ZNF804A: variants seen among roughly 807,000 people sequenced by gnomAD.
ZNF804A encodes the protein zinc finger protein 804A.
A neutral mutation model predicts 16.5 loss-of-function variants in ZNF804A; 2 were observed. The ratio of observed to expected loss-of-function variants is 0.12; its 90% CI spans 0.05 to 0.38. The LOEUF (loss-of-function observed/expected upper bound fraction) is 0.38, where lower values mean the gene tolerates loss of function less well. Among genes scored for constraint, ZNF804A ranks in the 10% least tolerant of loss-of-function variants. The pLI, the probability that ZNF804A is intolerant of heterozygous loss-of-function variation, is 0.99. For missense variants in ZNF804A, 1,473 were observed against 1,390.7 expected, an observed-to-expected ratio of 1.06 and a Z score of -0.94; for synonymous variants, 534 against 489.6, an observed-to-expected ratio of 1.09 and a Z score of -1.20.
chr2:184,933,337 T>C (rs1185183325), intron 2 of ZNF804A, among the ~76,000 whole-genome samples: 2 of 152,144 alleles, frequency 1.3e-5, no homozygotes, highest in African/African-American at 4.8e-5. Context: ...CAGGAAATGA[T>C]CAATAAGAAG....
At chr2:184,877,391 G>A (rs1482559869) in intron 2 of ZNF804A, among the ~76,000 whole-genome samples, 2 of 152,064 alleles carry the variant, frequency 1.3e-5, no homozygotes, top group African/African-American at 4.8e-5. Flanking sequence ...GAAAAAATAT[G>A]CAAAATCTAA....
At position 184,598,825 on chromosome 2, in the gene ZNF804A, A is replaced by G. The variant is rs1264082380; in HGVS notation, c.-135A>G. On this transcript the variant is annotated 5_prime_UTR_variant, in exon 1 of 4. Coordinates refer to ENST00000302277, the MANE Select transcript of ZNF804A (RefSeq NM_194250.2). The stretch of plus-strand genomic sequence containing the variant: ...AGAGGGGTGCAGTGAGCCAGTCTCC[A>G]GAGGACGTGCCGGGGGTGGCTGCGT... 1 of 482,900 alleles carries G rather than the reference A, an allele frequency of 2.1e-6. No individual in the cohort carries two copies. The highest frequency in any genetic ancestry group is 3.5e-6 in the Non-Finnish European group (1 of 283,850). 29.9% of individuals were successfully genotyped at this position (482,900 alleles called of 1,614,324 possible). A position where few individuals can be genotyped will look rare whatever the true frequency, so the allele number is the denominator to read the frequency against.
At chr2:184,741,259 G>A (rs1014778242) in intron 1 of ZNF804A, among the ~76,000 whole-genome samples, 5 of 152,098 alleles carry the variant, frequency 3.3e-5, no homozygotes, top group African/African-American at 7.2e-5. Flanking sequence ...GCTGTATGGG[G>A]CAGAGTTTAA....
intron 1 of ZNF804A, among the ~76,000 whole-genome samples, chr2:184,667,022 A>AC (rs1692265339): frequency 6.6e-6 from 1 of 152,042 alleles, no homozygotes; most frequent in African/African-American, 2.4e-5. Context: ...TGTTGAGGGT[A>AC]TAGAAAGGCA....
intron 2 of ZNF804A, among the ~76,000 whole-genome samples, chr2:184,884,874 TG>T (rs1235357841): frequency 6.6e-6 from 1 of 152,098 alleles, no homozygotes; most frequent in African/African-American, 2.4e-5. Context: ...GAAAGAGCTT[TG>T]TACAGCAAAA....
chr2:184,666,918 A>G (rs1290389752), intron 1 of ZNF804A, among the ~76,000 whole-genome samples: 1 of 152,052 alleles, frequency 6.6e-6, no homozygotes, highest in East Asian at 1.9e-4. Context: ...AATAGTCCCA[A>G]AAGATAATTT....
intron 1 of ZNF804A, among the ~76,000 whole-genome samples, chr2:184,766,194 A>T (rs1694124741): frequency 6.6e-6 from 1 of 152,162 alleles, no homozygotes; most frequent in Non-Finnish European, 1.5e-5. Context: ...TAAACACACC[A>T]AATTAATTCA....
intron 1 of ZNF804A, among the ~76,000 whole-genome samples, chr2:184,793,006 T>C (rs1408978098): frequency 6.6e-6 from 1 of 152,164 alleles, no homozygotes; most frequent in Non-Finnish European, 1.5e-5. Flanking sequence ...ATCCCATGTA[T>C]AAGTGAGAAC....
intron 2 of ZNF804A, among the ~76,000 whole-genome samples, chr2:184,910,582 A>C (rs1433397491): frequency 6.6e-6 from 1 of 152,058 alleles, no homozygotes; most frequent in East Asian, 1.9e-4. Context: ...GCTAATTTAC[A>C]TTTCCACCAA....
At chr2:184,910,636 T>C (rs527642703) in intron 2 of ZNF804A, among the ~76,000 whole-genome samples, 184 of 152,204 alleles carry the variant, frequency 1.2e-3, no homozygotes, top group African/African-American at 4.3e-3. Context: ...TGCCAGAGGC[T>C]ATTATTTTTT....
intron 1 of ZNF804A, among the ~76,000 whole-genome samples, chr2:184,720,258 G>A (rs1335799944): frequency 6.6e-6 from 1 of 152,102 alleles, no homozygotes; most frequent in East Asian, 1.9e-4. Context: ...TTCAAGATGA[G>A]ATTTGGGAAC....
intron 1 of ZNF804A, among the ~76,000 whole-genome samples, chr2:184,749,503 A>G (rs1019710844): frequency 1.3e-5 from 2 of 151,382 alleles, no homozygotes. Flanking sequence ...TTCTAAGTAT[A>G]GACCCAGATC....
At chr2:184,931,919 G>T (rs1330103280) in intron 2 of ZNF804A, among the ~76,000 whole-genome samples, 1 of 152,100 alleles carries the variant, frequency 6.6e-6, no homozygotes, top group African/African-American at 2.4e-5. Context: ...TTACTGCTTA[G>T]AAATTTCTTC....
chr2:184,719,393 C>A (rs1026237211), intron 1 of ZNF804A, among the ~76,000 whole-genome samples: 10 of 152,110 alleles, frequency 6.6e-5, no homozygotes, highest in Admixed American at 6.5e-4. Context: ...TAACATTTGG[C>A]TCCTCATTCA....
chr2:184,793,091 A>G (rs767983024), intron 1 of ZNF804A, among the ~76,000 whole-genome samples: 1 of 152,080 alleles, frequency 6.6e-6, no homozygotes, highest in Admixed American at 6.6e-5. Context: ...TCGTGCTGCA[A>G]AGATCATGAT....
intron 1 of ZNF804A, among the ~76,000 whole-genome samples, chr2:184,862,351 A>T (rs145738618): frequency 6.6e-6 from 1 of 152,124 alleles, no homozygotes; most frequent in East Asian, 1.9e-4. Flanking sequence ...AATACATATG[A>T]CTCCTTTCCC....
chr2:184,938,846 A>G lies in ZNF804A; in HGVS notation c.3450A>G (p.Pro1150=). ...RTSLPQLSVG[P]VGPRLCPGNQ... Reference sequence around the variant, plus strand: ...CATTACCTCAGCTCTCAGTAGGACCAGTAGGACCGAGGCTTTGTCCTGGGA... The same window carrying G: ...CATTACCTCAGCTCTCAGTAGGACCGGTAGGACCGAGGCTTTGTCCTGGGA... The change falls in exon 4 of 4, where the codon CCA becomes CCG. Residue 1150 remains proline, a synonymous_variant. Transcript: ENST00000302277. 1 of 1,614,026 alleles carries G rather than the reference A, an allele frequency of 6.2e-7. No homozygotes were observed. The highest frequency in any genetic ancestry group is 8.5e-7 in the Non-Finnish European group (1 of 1,179,978).
chr2:184,893,534 C>CTTTTA (rs75936494), intron 2 of ZNF804A, among the ~76,000 whole-genome samples: 49,197 of 151,444 alleles, frequency 0.32, 10,636 homozygotes, highest in African/African-American at 0.62. Flanking sequence ...AGTATTTAAA[C>CTTTTA]TTTTATAAAT....
At chr2:184,777,903 A>C (rs1320308544) in intron 1 of ZNF804A, among the ~76,000 whole-genome samples, 1 of 151,700 alleles carries the variant, frequency 6.6e-6, no homozygotes, top group Non-Finnish European at 1.5e-5. Context: ...TAAAAATATT[A>C]GCTAAATTAG....
Sources: allele counts gnomAD v4.1 joint callset (sites outside exome capture counted in the v4.1 genomes callset), GRCh38; gene constraint gnomAD v4.1.1; transcripts MANE v1.5; gene names NCBI Gene and HGNC (gene_info 2026-07-23, HGNC 2026-07-21).